SAMD5: variants seen among roughly 807,000 people sequenced by gnomAD.
SAMD5 encodes sterile alpha motif domain containing 5.
Under a neutral mutation model 11.3 loss-of-function variants are expected in SAMD5, and 13 were observed. That is an observed-to-expected ratio of 1.15 (90% CI 0.75 to 1.83). The LOEUF is 1.83. Among genes scored for constraint, SAMD5 ranks in the 40% most tolerant of loss-of-function variants. The probability of loss-of-function intolerance (pLI) is 0.00; values close to 1 mark genes in which losing one functional copy is unlikely to be tolerated. For synonymous variants in SAMD5, 129 were observed against 111.3 expected, an observed-to-expected ratio of 1.16 and a Z score of -1.00; for missense variants, 255 against 239.1, an observed-to-expected ratio of 1.07 and a Z score of -0.44.
At chr6:147,759,345 G>C in the SAMD5 span, among the ~76,000 whole-genome samples, 1 of 152,120 alleles carries the variant, frequency 6.6e-6, no homozygotes, top group Non-Finnish European at 1.5e-5. Flanking sequence ...ATAGGCTTCA[G>C]ACTGGCCAGT....
intron 1 of SAMD5, among the ~76,000 whole-genome samples, chr6:147,616,310 TTTATTCATATATAC>T (rs1562334378): frequency 1.4e-4 from 20 of 145,474 alleles, no homozygotes; most frequent in African/African-American, 5.2e-4. Flanking sequence ...TTCATATATA[TTTATTCATATATAC>T]TTCATATATA....
chr6:147,564,685 G>T lies in SAMD5; in HGVS notation c.*229G>T. 2 of 1,239,906 alleles carry T rather than the reference G, an allele frequency of 1.6e-6. No homozygotes were observed. The highest frequency in any genetic ancestry group is 2.2e-5 in the South Asian group (1 of 45,634). 76.8% of individuals were successfully genotyped at this position (1,239,906 alleles called of 1,614,324 possible). On this transcript the variant is annotated 3_prime_UTR_variant, in exon 2 of 2. Coordinates refer to ENST00000367474, the MANE Select transcript of SAMD5 (RefSeq NM_001030060.3). Reference sequence around the variant, plus strand: ...ACTATCACGCATAAAGAAGTATTGAGTTCATTTTTTTAAGAAGATATCATG... The same window carrying T: ...ACTATCACGCATAAAGAAGTATTGATTTCATTTTTTTAAGAAGATATCATG...
chr6:147,819,456 A>G, the SAMD5 span, among the ~76,000 whole-genome samples: 1 of 152,240 alleles, frequency 6.6e-6, no homozygotes, highest in African/African-American at 2.4e-5. Flanking sequence ...AAGTTAAAAA[A>G]CACAACAAAA....
chr6:147,606,696 T>A (rs920447632), intron 1 of SAMD5, among the ~76,000 whole-genome samples: 1 of 151,182 alleles, frequency 6.6e-6, no homozygotes, highest in African/African-American at 2.4e-5. Context: ...CTAAGAAATA[T>A]AAATATAAAT....
the SAMD5 span, among the ~76,000 whole-genome samples, chr6:147,922,684 T>C: frequency 1.6e-4 from 24 of 152,320 alleles, no homozygotes; most frequent in Admixed American, 2.6e-4. Flanking sequence ...GTTCAATAAC[T>C]CGTGCTGGGA....
chr6:147,661,441 C>T (rs1166171709), intron 1 of SAMD5, among the ~76,000 whole-genome samples: 1 of 152,098 alleles, frequency 6.6e-6, no homozygotes, highest in Non-Finnish European at 1.5e-5. Context: ...TCATTAATAT[C>T]TTTGAAGTGT....
chr6:147,899,189 A>AAAAAAAAAAAAAAAAAAAG, the SAMD5 span, among the ~76,000 whole-genome samples: 34 of 123,442 alleles, frequency 2.8e-4, 3 homozygotes, highest in African/African-American at 1.2e-3. Context: ...AAAAAAAAAA[A>AAAAAAAAAAAAAAAAAAAG]AAAAGATAAC....
At chr6:147,601,705 G>C (rs1212511305) in intron 1 of SAMD5, among the ~76,000 whole-genome samples, 2 of 152,148 alleles carry the variant, frequency 1.3e-5, no homozygotes, top group Non-Finnish European at 2.9e-5. Flanking sequence ...ATTATTAAGT[G>C]AAAGCATTAT....
the SAMD5 span, among the ~76,000 whole-genome samples, chr6:147,897,894 G>T: frequency 2.2e-5 from 3 of 138,414 alleles, no homozygotes; most frequent in African/African-American, 8.1e-5. Context: ...GCAGTGAGTA[G>T]AGATCGGGCC....
At chr6:147,820,840 G>A in the SAMD5 span, among the ~76,000 whole-genome samples, 7 of 152,236 alleles carry the variant, frequency 4.6e-5, no homozygotes, top group Admixed American at 1.3e-4. Flanking sequence ...CAATGGGCTC[G>A]CTCTGTGGCC....
the SAMD5 span, among the ~76,000 whole-genome samples, chr6:147,863,443 C>T: frequency 6.6e-6 from 1 of 152,144 alleles, no homozygotes; most frequent in Admixed American, 6.5e-5. Flanking sequence ...TTTCAAAACA[C>T]CTTCCTGCCT....
At chr6:147,897,415 G>A in the SAMD5 span, among the ~76,000 whole-genome samples, 1 of 152,280 alleles carries the variant, frequency 6.6e-6, no homozygotes, top group African/African-American at 2.4e-5. Context: ...GGGGGGCCAG[G>A]TCAGCTCCTG....
chr6:147,630,169 G>C (rs6936549), intron 1 of SAMD5, among the ~76,000 whole-genome samples: 72,291 of 151,798 alleles, frequency 0.48, 17,679 homozygotes, highest in Middle Eastern at 0.57. Flanking sequence ...GGCTGGTCTT[G>C]AACTCCCGAC....
At chr6:147,519,048 A>C (rs1788213884) in intron 1 of SAMD5, among the ~76,000 whole-genome samples, 1 of 152,242 alleles carries the variant, frequency 6.6e-6, no homozygotes, top group Admixed American at 6.5e-5. Context: ...GCTCTCTAAA[A>C]TCTTACTGTT....
the SAMD5 span, among the ~76,000 whole-genome samples, chr6:147,876,250 A>T: frequency 6.5e-4 from 99 of 152,304 alleles, no homozygotes; most frequent in Non-Finnish European, 1.2e-3. Context: ...AGAGAAGAAG[A>T]TGTGAGGAAC....
the SAMD5 span, among the ~76,000 whole-genome samples, chr6:147,808,849 C>T: frequency 3.9e-5 from 6 of 152,004 alleles, no homozygotes; most frequent in African/African-American, 7.3e-5. Context: ...ATGAGGGCAG[C>T]GAGGCACAAT....
chr6:147,681,408 GTC>G (rs1790938495), intron 1 of SAMD5, among the ~76,000 whole-genome samples: 2 of 151,660 alleles, frequency 1.3e-5, no homozygotes, highest in Non-Finnish European at 2.9e-5. Flanking sequence ...TATCTTCTGT[GTC>G]TCTATTTAAT....
the SAMD5 span, among the ~76,000 whole-genome samples, chr6:147,804,671 C>T: frequency 7.9e-5 from 12 of 151,922 alleles, no homozygotes; most frequent in South Asian, 2.1e-4. Context: ...AATCAAAAAG[C>T]GGAAAAAAAG....
rs978417016 is a variant in SAMD5 at position 147,653,770 on chromosome 6, G to T, written c.163-83547G>T. Among the ~76,000 whole-genome samples, 3 of 152,098 alleles carry T rather than the reference G, an allele frequency of 2.0e-5. No homozygotes were observed. In the South Asian group the frequency reaches 6.2e-4, roughly 32 times the overall value. ...TGCAAATTGCAGGGCTTTGTTTTTT[G>T]TTTTTTCTGTTTCGATATGAAGCTG... On this transcript the variant is annotated intron_variant, in intron 1 of 1. Coordinates refer to the SAMD5 transcript ENST00000566741.
Sources: gnomAD v4.1 joint callset for allele counts (sites outside exome capture counted in the v4.1 genomes callset) on GRCh38, gnomAD v4.1.1 for gene constraint, MANE v1.5 for transcripts, NCBI Gene and HGNC (gene_info 2026-07-23, HGNC 2026-07-21) for gene names.